The following MPP7 variants were observed in gnomAD, a reference collection of about 807,000 sequenced individuals.
The protein encoded by MPP7 is MAGUK p55 subfamily member 7.
Under a neutral mutation model 76.5 loss-of-function variants are expected in MPP7, and 60 were observed. That is an observed-to-expected ratio of 0.78 (90% confidence interval 0.64 to 0.97). MPP7 has a LOEUF of 0.97. MPP7 is among the 50% of genes least tolerant of loss of function. The pLI, the probability that MPP7 is intolerant of heterozygous loss-of-function variation, is 0.00. For missense variants in MPP7, 641 were observed against 694.0 expected (o/e 0.92, Z 0.86); for synonymous variants, 237 against 244.5 (o/e 0.97, Z 0.29).
At chr10:28,292,931 G>T (rs1840954326) in intron 1 of MPP7, among the ~76,000 whole-genome samples, 1 of 151,540 alleles carries the variant, frequency 6.6e-6, no homozygotes, top group Admixed American at 6.6e-5. Flanking sequence ...AAACCACTAG[G>T]TTATTTAGTA....
chr10:28,147,159 T>C (rs1385828714), intron 5 of MPP7, among the ~76,000 whole-genome samples: 1 of 152,198 alleles, frequency 6.6e-6, no homozygotes, highest in Non-Finnish European at 1.5e-5. Context: ...TCCCATTAAC[T>C]ACCCAAGTAA....
chr10:28,131,162 A>C (rs575122614), intron 6 of MPP7, among the ~76,000 whole-genome samples: 1 of 152,336 alleles, frequency 6.6e-6, no homozygotes, highest in South Asian at 2.1e-4. Flanking sequence ...GAGACTTCTC[A>C]AAAGTTTTGT....
intron 3 of MPP7, among the ~76,000 whole-genome samples, chr10:28,185,476 A>G (rs1011216491): frequency 6.6e-6 from 1 of 152,268 alleles, no homozygotes; most frequent in East Asian, 1.9e-4. Flanking sequence ...GACAGACTCA[A>G]TGAGAAGCAA....
intron 12 of MPP7, among the ~76,000 whole-genome samples, chr10:28,076,541 GCA>G (rs150111167): frequency 2.0e-4 from 30 of 149,728 alleles, no homozygotes; most frequent in East Asian, 5.9e-4. Flanking sequence ...ACACATGCGC[GCA>G]CACACACACA....
intron 11 of MPP7, among the ~76,000 whole-genome samples, chr10:28,115,043 T>C (rs1489961113): frequency 2.6e-5 from 4 of 152,178 alleles, no homozygotes; most frequent in Non-Finnish European, 2.9e-5. Flanking sequence ...CCAGATAGTA[T>C]TAGTATTAGG....
At chr10:28,221,181 ATAAAG>A (rs1279427912) in intron 2 of MPP7, among the ~76,000 whole-genome samples, 1 of 152,216 alleles carries the variant, frequency 6.6e-6, no homozygotes, top group African/African-American at 2.4e-5. Context: ...TTTTAGAAAA[ATAAAG>A]TAATCTAAGC....
chr10:28,125,315 C>G (rs931491590), intron 6 of MPP7, among the ~76,000 whole-genome samples: 3 of 152,080 alleles, frequency 2.0e-5, no homozygotes. Flanking sequence ...GGTTTCAGCC[C>G]AATTTAAGGA....
At chr10:28,298,919 T>C (rs566383216) in intron 1 of MPP7, among the ~76,000 whole-genome samples, 1 of 152,318 alleles carries the variant, frequency 6.6e-6, no homozygotes, top group South Asian at 2.1e-4. Flanking sequence ...CAACCTCTTC[T>C]AGCTTCCAAC....
intron 1 of MPP7, among the ~76,000 whole-genome samples, chr10:28,251,371 A>G (rs1464251258): frequency 6.6e-6 from 1 of 152,152 alleles, no homozygotes; most frequent in African/African-American, 2.4e-5. Flanking sequence ...CTGAGGCAGG[A>G]TAATTGCTTG....
At chr10:28,102,061 C>T (rs1008488609) in intron 11 of MPP7, among the ~76,000 whole-genome samples, 3 of 148,874 alleles carry the variant, frequency 2.0e-5, no homozygotes, top group Non-Finnish European at 2.9e-5. Context: ...GACTTGCGGA[C>T]ATTCAACTTT....
rs370938090 is a variant in MPP7, at chr10:28,150,789, T to C, written c.157-730A>G. Reference sequence around the variant, plus strand: ...AAATTTAGCCCTTCATTTCCCATTATTGTGACCCAAGAAACACAAAGGCAA... The same window carrying C: ...AAATTTAGCCCTTCATTTCCCATTACTGTGACCCAAGAAACACAAAGGCAA... On this transcript the variant is annotated intron_variant, in intron 3 of 16. Coordinates refer to ENST00000683449, the MANE Select transcript of MPP7 (RefSeq NM_001318170.2). 2.9e-4 allele frequency among the ~76,000 whole-genome samples: 44 copies of C among 152,252 alleles called. 1 individual carries two copies. The highest frequency in any genetic ancestry group is 2.5e-3 in the East Asian group (13 of 5,184).
intron 11 of MPP7, among the ~76,000 whole-genome samples, 165 bp from the exon 12 acceptor site, chr10:28,090,006 C>G (rs575361355): frequency 6.3e-4 from 96 of 152,100 alleles, no homozygotes; most frequent in African/African-American, 2.1e-3. Context: ...TGTTGCCCAA[C>G]CTGGAGAGCA....
At chr10:28,178,553 T>C (rs1031191305) in intron 3 of MPP7, among the ~76,000 whole-genome samples, 2 of 151,462 alleles carry the variant, frequency 1.3e-5, no homozygotes, top group African/African-American at 4.9e-5. Context: ...ACAAGCAGAG[T>C]AGCATGATAG....
At chr10:28,167,460 G>A (rs890975527) in intron 3 of MPP7, among the ~76,000 whole-genome samples, 23 of 152,214 alleles carry the variant, frequency 1.5e-4, no homozygotes, top group Admixed American at 1.5e-3. Context: ...ACAGACACCG[G>A]GCCTGCATAA....
chr10:28,227,575 T>C (rs1437583492), intron 2 of MPP7, among the ~76,000 whole-genome samples: 3 of 152,196 alleles, frequency 2.0e-5, no homozygotes, highest in Non-Finnish European at 4.4e-5. Flanking sequence ...TGTTTGGCTT[T>C]CTGTTCCTGC....
intron 11 of MPP7, chr10:28,118,245 G>T (rs1834720042): frequency 1.0e-6 from 1 of 984,970 alleles, no homozygotes; most frequent in African/African-American, 1.7e-5. Flanking sequence ...CAGTTTGAAA[G>T]AGCTATTAAA....
At chr10:28,059,505 CA>C in intron 14 of MPP7, 144 bp downstream of exon 14, 1 of 549,788 alleles carries the variant, frequency 1.8e-6, no homozygotes, top group Non-Finnish European at 3.1e-6. Flanking sequence ...AATTACCAAC[CA>C]AATTATTACC....
chr10:28,203,552 T>C (rs1837852955), intron 2 of MPP7, among the ~76,000 whole-genome samples: 1 of 151,872 alleles, frequency 6.6e-6, no homozygotes, highest in African/African-American at 2.4e-5. Context: ...ATTCTTGGTA[T>C]TTTACATCTA....
At chr10:28,132,707 C>T (rs1049284339) in intron 5 of MPP7, among the ~76,000 whole-genome samples, 4 of 152,140 alleles carry the variant, frequency 2.6e-5, no homozygotes, top group Admixed American at 6.5e-5. Flanking sequence ...TCAAGCAATT[C>T]TCGGCCTCAG....
Sources: gnomAD v4.1 joint callset for allele counts (sites outside exome capture counted in the v4.1 genomes callset) on GRCh38, gnomAD v4.1.1 for gene constraint, MANE v1.5 for transcripts, NCBI Gene and HGNC (gene_info 2026-07-23, HGNC 2026-07-21) for gene names.